Variants in ATP9A observed in about 807,000 individuals in gnomAD.
The protein encoded by ATP9A is probable phospholipid-transporting ATPase IIA.
A neutral mutation model predicts 144.1 loss-of-function variants in ATP9A; 52 were observed. That is an observed-to-expected ratio of 0.36 (90% CI 0.29 to 0.45). The LOEUF (loss-of-function observed/expected upper bound fraction) is 0.45. ATP9A is among the 20% of genes least tolerant of loss of function. The probability of loss-of-function intolerance (pLI) is 1.00; values close to 1 mark genes in which losing one functional copy is unlikely to be tolerated. For synonymous variants in ATP9A, 582 were observed against 557.4 expected (o/e 1.04, Z -0.62); for missense variants, 947 against 1,392.7 (o/e 0.68, Z 5.09).
At chr20:51,752,329 G>A (rs562937688) in intron 1 of ATP9A, among the ~76,000 whole-genome samples, 139 of 152,328 alleles carry the variant, frequency 9.1e-4, no homozygotes, top group African/African-American at 3.1e-3. Context: ...TGGCACCCAA[G>A]ACACCAACGG....
At chr20:51,752,803 A>C (rs1179568197) in intron 1 of ATP9A, among the ~76,000 whole-genome samples, 1 of 152,136 alleles carries the variant, frequency 6.6e-6, no homozygotes, top group Admixed American at 6.6e-5. Context: ...CAGGATTCAG[A>C]ATGAAAACAT....
chr20:51,722,642 G>A (rs546753886), intron 3 of ATP9A, among the ~76,000 whole-genome samples: 121 of 152,236 alleles, frequency 7.9e-4, no homozygotes, highest in Non-Finnish European at 1.3e-3. Context: ...ACCACAATGC[G>A]ATACCACCTT....
chr20:51,653,296 C>G (rs2077374764), intron 14 of ATP9A, among the ~76,000 whole-genome samples: 1 of 151,916 alleles, frequency 6.6e-6, no homozygotes, highest in South Asian at 2.1e-4. Context: ...GAAAAAGCGG[C>G]CGAGAAGTGC....
intron 7 of ATP9A, 75 bp downstream of exon 7, chr20:51,693,933 G>GC (rs1047676099): frequency 9.8e-6 from 12 of 1,229,460 alleles, no homozygotes; most frequent in Non-Finnish European, 1.0e-5. Context: ...CCCATGCCTG[G>GC]CCCCCCAGGT....
At chr20:51,670,204 T>C in intron 12 of ATP9A, 95 bp from the exon 13 acceptor site, 4 of 940,988 alleles carry the variant, frequency 4.3e-6, no homozygotes, top group Non-Finnish European at 6.8e-6. Context: ...GAGTTTGCCC[T>C]ATGTCACACA....
rs767599509 is a variant in ATP9A, at chr20:51,696,147, G to A, written c.496-3C>T. The A allele has an allele frequency of 6.2e-7, 1 of 1,613,782 alleles. No individual in the cohort carries two copies. The highest frequency in any genetic ancestry group is 1.7e-5 in the Admixed American group (1 of 60,020). ...ATGTCGGCAGGGACCCGCTGGTTCT[G>A]TGTTATGAAAAGAAAGACTGTTACT... On this transcript the variant is annotated splice_polypyrimidine_tract_variant and splice_region_variant and intron_variant, in intron 5 of 27. Coordinates refer to ENST00000338821, the MANE Select transcript of ATP9A (RefSeq NM_006045.3).
chr20:51,643,106 T>C (rs1298921487), intron 14 of ATP9A, among the ~76,000 whole-genome samples: 4 of 152,248 alleles, frequency 2.6e-5, no homozygotes, highest in Non-Finnish European at 5.9e-5. Flanking sequence ...CTGTTGCTTC[T>C]ATTAACTAAA....
At chr20:51,690,963 G>T (rs4811222) in intron 7 of ATP9A, 144 bp from the exon 8 acceptor site, 5 of 690,424 alleles carry the variant, frequency 7.2e-6, no homozygotes, top group Admixed American at 2.4e-5. Flanking sequence ...GGAAAGAAGA[G>T]GAAAGTCCTC....
chr20:51,629,156 G>T, intron 15 of ATP9A, 84 bp from the exon 16 acceptor site: 1 of 1,104,492 alleles, frequency 9.1e-7, no homozygotes, highest in Non-Finnish European at 1.4e-6. Flanking sequence ...GACAGACAGT[G>T]TACAAAGTGC....
intron 3 of ATP9A, among the ~76,000 whole-genome samples, chr20:51,721,615 CA>C (rs1433507072): frequency 1.3e-5 from 2 of 151,624 alleles, no homozygotes; most frequent in African/African-American, 2.4e-5. Flanking sequence ...CTGGCTAACA[CA>C]GGTGAAACCC....
At chr20:51,715,729 T>C (rs1349349769) in intron 3 of ATP9A, among the ~76,000 whole-genome samples, 5 of 152,170 alleles carry the variant, frequency 3.3e-5, no homozygotes, top group South Asian at 2.1e-4. Context: ...GCTGGTGAAA[T>C]TGCCTTACAA....
rs140808472 is a variant in ATP9A at position 51,628,774 on chromosome 20, C to T, written c.1761+206G>A. Reference sequence around the variant, plus strand: ...TTACGGCCAGTGGGAGGCCCTGAAGCAGAGGATGCAGTTCAGCCACACCAG... The same window carrying T: ...TTACGGCCAGTGGGAGGCCCTGAAGTAGAGGATGCAGTTCAGCCACACCAG... On this transcript the variant is annotated intron_variant, in intron 16 of 27. Coordinates refer to ENST00000338821, the MANE Select transcript of ATP9A (RefSeq NM_006045.3). Among the ~76,000 whole-genome samples, 1,050 of 152,336 alleles carry T rather than the reference C, an allele frequency of 6.9e-3. 11 individuals are homozygous for T. The highest frequency in any genetic ancestry group is 0.024 in the African/African-American group (1,002 of 41,584).
intron 14 of ATP9A, among the ~76,000 whole-genome samples, chr20:51,645,214 C>T (rs919139299): frequency 2.0e-5 from 3 of 152,198 alleles, no homozygotes; most frequent in Admixed American, 6.5e-5. Context: ...CTGGGATCCA[C>T]CATCCTAATC....
chr20:51,596,730 A>C lies in ATP9A; in HGVS notation c.*4481T>G, dbSNP rs1205126360. ...GTTATAATAAAAAGTCCTCATTTTG[A>C]TACCAGAATTCATGTTTCTGTACAA... On this transcript the variant is annotated 3_prime_UTR_variant, in exon 28 of 28. Coordinates refer to ENST00000338821, the MANE Select transcript of ATP9A (RefSeq NM_006045.3). 1.3e-5 allele frequency: 2 copies of C among 152,204 alleles called. No homozygotes were observed. The highest frequency in any genetic ancestry group is 4.8e-5 in the African/African-American group (2 of 41,448). The allele number at this position is 152,204 out of a possible 1,614,324, so 9.4% of individuals were successfully genotyped here.
intron 1 of ATP9A, among the ~76,000 whole-genome samples, chr20:51,742,304 G>C (rs1479260336): frequency 1.4e-5 from 2 of 143,438 alleles, no homozygotes; most frequent in African/African-American, 5.3e-5. Flanking sequence ...CAGTCTAGGG[G>C]ACAGAGCAAA....
intron 1 of ATP9A, among the ~76,000 whole-genome samples, chr20:51,730,543 C>T (rs970377019): frequency 2.6e-5 from 4 of 152,182 alleles, no homozygotes; most frequent in Admixed American, 2.6e-4. Context: ...CATTGTTAAG[C>T]GACAAGGATA....
At chr20:51,663,016 G>A (rs990670355) in intron 13 of ATP9A, among the ~76,000 whole-genome samples, 2 of 152,008 alleles carry the variant, frequency 1.3e-5, no homozygotes, top group Non-Finnish European at 2.9e-5. Context: ...GTTGCAGTGA[G>A]CCAAGATCAC....
chr20:51,649,672 T>C (rs1568802586), intron 14 of ATP9A, among the ~76,000 whole-genome samples: 1 of 152,184 alleles, frequency 6.6e-6, no homozygotes, highest in Non-Finnish European at 1.5e-5. Context: ...CCCAGCACTG[T>C]GGGAGGCCAA....
At chr20:51,728,485 G>C (rs59759340) in intron 2 of ATP9A, among the ~76,000 whole-genome samples, 1 of 151,934 alleles carries the variant, frequency 6.6e-6, no homozygotes, top group African/African-American at 2.4e-5. Context: ...AAAATTAGCC[G>C]GGCGTGGTGG....
Sources: allele counts gnomAD v4.1 joint callset (sites outside exome capture counted in the v4.1 genomes callset), GRCh38; gene constraint gnomAD v4.1.1; transcripts MANE v1.5; gene names NCBI Gene and HGNC (gene_info 2026-07-23, HGNC 2026-07-21).